Variants in SAMMSON observed in about 807,000 individuals in gnomAD.
SAMMSON encodes long intergenic non-protein coding RNA 1212.
intron 4 of SAMMSON, among the ~76,000 whole-genome samples, chr3:70,247,634 A>G (rs1701720067): frequency 6.6e-6 from 1 of 151,982 alleles, no homozygotes. Context: ...TTCAGAATTT[A>G]TGACTCTAAT....
At chr3:70,429,710 T>C (rs1435550041) in intron 2 of SAMMSON, among the ~76,000 whole-genome samples, 1 of 152,202 alleles carries the variant, frequency 6.6e-6, no homozygotes, top group African/African-American at 2.4e-5. Context: ...TTCCTAGGTA[T>C]TTTATTCTCT....
At chr3:70,144,708 C>G (rs948529429) in intron 4 of SAMMSON, among the ~76,000 whole-genome samples, 2 of 152,122 alleles carry the variant, frequency 1.3e-5, no homozygotes, top group Admixed American at 1.3e-4. Context: ...CTTTCCCATG[C>G]TGTTCCTGTG....
intron 7 of SAMMSON, among the ~76,000 whole-genome samples, chr3:70,303,338 C>G (rs2030526): frequency 2.6e-5 from 4 of 151,798 alleles, no homozygotes; most frequent in Non-Finnish European, 4.4e-5. Context: ...ACCCAGGAGT[C>G]AGACTCATGG....
At chr3:70,259,998 C>T (rs567992083) in intron 6 of SAMMSON, among the ~76,000 whole-genome samples, 2 of 152,232 alleles carry the variant, frequency 1.3e-5, no homozygotes, top group East Asian at 1.9e-4. Context: ...ACGAGAACAG[C>T]GTGATCCAAT....
chr3:70,035,830 A>G (rs960027958), intron 3 of SAMMSON, among the ~76,000 whole-genome samples: 2 of 152,210 alleles, frequency 1.3e-5, no homozygotes, highest in African/African-American at 4.8e-5. Flanking sequence ...GTTTATATCT[A>G]TCAAAAAGAA....
intron 9 of SAMMSON, among the ~76,000 whole-genome samples, chr3:70,369,301 T>C (rs1702945985): frequency 6.6e-6 from 1 of 151,714 alleles, no homozygotes; most frequent in Admixed American, 6.6e-5. Flanking sequence ...GACAATCATG[T>C]CATCTGTGAG....
intron 2 of SAMMSON, among the ~76,000 whole-genome samples, chr3:70,406,868 C>T (rs1354160074): frequency 6.6e-6 from 1 of 152,100 alleles, no homozygotes; most frequent in Non-Finnish European, 1.5e-5. Context: ...AACACTGAAA[C>T]ATTAAACGTA....
At chr3:70,336,858 G>GGA (rs1553656688) in intron 7 of SAMMSON, among the ~76,000 whole-genome samples, 2 of 135,768 alleles carry the variant, frequency 1.5e-5, no homozygotes, top group Non-Finnish European at 3.2e-5. Context: ...GTGTGTGTGT[G>GGA]GAGAGAGAGA....
chr3:70,151,303 G>T (rs1480670730), intron 4 of SAMMSON, among the ~76,000 whole-genome samples: 2 of 152,038 alleles, frequency 1.3e-5, no homozygotes, highest in African/African-American at 2.4e-5. Context: ...TGGTGTCGGG[G>T]TGTTCAGCTG....
intron 4 of SAMMSON, among the ~76,000 whole-genome samples, chr3:70,138,456 C>CT (rs34383106): frequency 0.27 from 40,874 of 151,932 alleles, 5,787 homozygotes; most frequent in East Asian, 0.52. Context: ...TCTCTAGAGG[C>CT]TTTTTTTGTA....
intron 1 of SAMMSON, among the ~76,000 whole-genome samples, chr3:70,005,093 G>T (rs2066921188): frequency 6.6e-6 from 1 of 152,128 alleles, no homozygotes; most frequent in Admixed American, 6.6e-5. Context: ...AGTAAGAGGA[G>T]ATTTTTCTGT....
chr3:70,419,610 G>A (rs1018344167), intron 2 of SAMMSON, among the ~76,000 whole-genome samples: 3 of 152,180 alleles, frequency 2.0e-5, no homozygotes, highest in Admixed American at 6.5e-5. Flanking sequence ...CAAACATGTG[G>A]AAACCCCACT....
intron 4 of SAMMSON, among the ~76,000 whole-genome samples, chr3:70,081,233 C>T (rs1368619764): frequency 1.3e-5 from 2 of 152,186 alleles, no homozygotes; most frequent in Non-Finnish European, 2.9e-5. Context: ...CCTGCCTCAG[C>T]CTTCCAAGTA....
intron 7 of SAMMSON, among the ~76,000 whole-genome samples, chr3:70,298,970 G>T (rs1702318793): frequency 6.6e-6 from 1 of 152,128 alleles, no homozygotes; most frequent in African/African-American, 2.4e-5. Context: ...CTAAGCTGAG[G>T]CATTGATGTG....
chr3:70,369,498 G>T (rs903558034), intron 9 of SAMMSON, among the ~76,000 whole-genome samples: 2 of 149,908 alleles, frequency 1.3e-5, no homozygotes, highest in Admixed American at 6.7e-5. Context: ...TTTTTTTTCC[G>T]TACCTGTATT....
intron 4 of SAMMSON, among the ~76,000 whole-genome samples, chr3:70,110,504 T>A (rs577275791): frequency 6.6e-6 from 1 of 152,142 alleles, no homozygotes; most frequent in Non-Finnish European, 1.5e-5. Flanking sequence ...AGGAGAAAAC[T>A]AGAATCAGAA....
chr3:70,060,741 A>G (rs1173656161), intron 3 of SAMMSON, among the ~76,000 whole-genome samples: 2 of 152,098 alleles, frequency 1.3e-5, no homozygotes, highest in Non-Finnish European at 2.9e-5. Context: ...CTGGCCCAAC[A>G]TGTCAATAGT....
intron 6 of SAMMSON, among the ~76,000 whole-genome samples, chr3:70,252,699 A>AT (rs920328562): frequency 2.5e-4 from 38 of 152,092 alleles, no homozygotes; most frequent in Non-Finnish European, 4.6e-4. Flanking sequence ...TTATTTATTT[A>AT]TTTTTTTAAA....
chr3:70,288,845 G>T (rs1702196175), intron 6 of SAMMSON, among the ~76,000 whole-genome samples: 1 of 151,376 alleles, frequency 6.6e-6, no homozygotes, highest in South Asian at 2.1e-4. Flanking sequence ...ATCTTTGTTG[G>T]TTTAAAGTCT....
Sources: gnomAD v4.1 joint callset for allele counts (sites outside exome capture counted in the v4.1 genomes callset) on GRCh38, gnomAD v4.1.1 for gene constraint, MANE v1.5 for transcripts, NCBI Gene and HGNC (gene_info 2026-07-23, HGNC 2026-07-21) for gene names.